SLC2A13: variants seen among roughly 807,000 people sequenced by gnomAD.
SLC2A13 encodes the protein solute carrier family 2 member 13.
A neutral mutation model predicts 64.4 loss-of-function variants in SLC2A13; 32 were observed. That is an observed-to-expected ratio of 0.50 (90% CI 0.37 to 0.67). The LOEUF (loss-of-function observed/expected upper bound fraction) is 0.67, where lower values mean the gene tolerates loss of function less well. SLC2A13 is among the 30% of genes least tolerant of loss of function. SLC2A13 has a pLI of 0.00. For synonymous variants in SLC2A13, 338 were observed against 327.1 expected (o/e 1.03, Z -0.36); for missense variants, 743 against 829.2 (o/e 0.90, Z 1.28).
chr12:39,981,742 G>C (rs1338188190), intron 3 of SLC2A13, among the ~76,000 whole-genome samples: 1 of 148,332 alleles, frequency 6.7e-6, no homozygotes, highest in Non-Finnish European at 1.5e-5. Flanking sequence ...AATTCTACCA[G>C]AGGTACAAGG....
intron 4 of SLC2A13, among the ~76,000 whole-genome samples, chr12:39,902,234 A>G (rs562055006): frequency 1.3e-5 from 2 of 151,704 alleles, no homozygotes; most frequent in South Asian, 4.2e-4. Context: ...AGATATACCT[A>G]ATGCTAAATG....
intron 4 of SLC2A13, among the ~76,000 whole-genome samples, chr12:39,880,793 A>G (rs1316699996): frequency 6.6e-6 from 1 of 152,192 alleles, no homozygotes; most frequent in African/African-American, 2.4e-5. Context: ...GGAAAGACCA[A>G]TTACTTGTCT....
rs11612590 is a variant in SLC2A13 at position 39,978,471 on chromosome 12, G to A, written c.926-27106C>T. On this transcript the variant is annotated intron_variant, in intron 3 of 9. Transcript: ENST00000280871. Reference sequence around the variant, plus strand: ...GCGCAGGCCAGTGGGTGCGCGCACCGTGCGCGAGCCGAAGCAGGGCGAGGC... The same window carrying A: ...GCGCAGGCCAGTGGGTGCGCGCACCATGCGCGAGCCGAAGCAGGGCGAGGC... 1.9e-3 allele frequency among the ~76,000 whole-genome samples: 282 copies of A among 150,968 alleles called. 1 individual carries two copies. Among genetic ancestry groups the A allele is most frequent in the Non-Finnish European group, 3.3e-3 (222 of 67,130 alleles).
chr12:39,998,870 C>A (rs1384986594), intron 3 of SLC2A13, among the ~76,000 whole-genome samples: 1 of 152,134 alleles, frequency 6.6e-6, no homozygotes, highest in Non-Finnish European at 1.5e-5. Context: ...CAAATCTCAT[C>A]TTGAATTCCC....
Position 40,105,596 on chromosome 12 carries a change from C to T in SLC2A13, c.213G>A (p.Gln71=), listed in dbSNP as rs764057239. The T allele has an allele frequency of 2.6e-6, 4 of 1,532,214 alleles. No homozygotes were observed. Among genetic ancestry groups the T allele is most frequent in the Non-Finnish European group, 3.5e-6 (4 of 1,142,358 alleles). 94.9% of individuals were successfully genotyped at this position (1,532,214 alleles called of 1,614,324 possible). A position where few individuals can be genotyped will look rare whatever the true frequency, so the allele number is the denominator to read the frequency against. ...VGDLERAARR[Q]FQQDETPAFV... Reference sequence around the variant, plus strand: ...AGGCGGGGGTCTCGTCCTGCTGGAACTGCCGCCGCGCCGCGCGCTCCAGGT... The same window carrying T: ...AGGCGGGGGTCTCGTCCTGCTGGAATTGCCGCCGCGCCGCGCGCTCCAGGT... Residue 71 remains glutamine (Q), a synonymous_variant, in exon 1 of 10, where the codon CAG becomes CAA. Transcript: ENST00000280871. This position sits in a 1 kb window ranked among gnomAD's most constrained non-coding sequence, Gnocchi z 4.2.
intron 4 of SLC2A13, among the ~76,000 whole-genome samples, chr12:39,943,227 G>A (rs1946071682): frequency 6.6e-6 from 1 of 152,216 alleles, no homozygotes; most frequent in Non-Finnish European, 1.5e-5. Context: ...AGGAGGCATG[G>A]GGATCAGGGA....
rs778088143 is a variant in SLC2A13, at chr12:40,105,281, G to A, written c.528C>T (p.Ala176=). 3 of 1,598,632 alleles carry A rather than the reference G, an allele frequency of 1.9e-6. No individual in the cohort carries two copies. In the South Asian group the frequency reaches 3.4e-5, roughly 18 times the overall value. ...TGCCGAGTCCCACGACCAGGCGGCCGGCGAGCAGTGTCTCCTTGTTGTTGG... is the reference window on the plus strand; with the variant it reads ...TGCCGAGTCCCACGACCAGGCGGCCAGCGAGCAGTGTCTCCTTGTTGTTGG... ...AAANNKETLL[A]GRLVVGLGIG... The change falls in exon 1 of 10, where the codon GCC becomes GCT. Residue 176 remains alanine, a synonymous_variant. Transcript: ENST00000280871. The surrounding 1 kb of genome is among the most constrained non-coding windows in gnomAD (Gnocchi z 4.2).
intron 4 of SLC2A13, among the ~76,000 whole-genome samples, chr12:39,874,397 T>C (rs1384777989): frequency 6.6e-6 from 1 of 152,122 alleles, no homozygotes; most frequent in African/African-American, 2.4e-5. Context: ...GTGGATCACC[T>C]GAGGACAGGA....
At chr12:39,768,166 CA>C (rs776308234) in intron 7 of SLC2A13, among the ~76,000 whole-genome samples, 2 of 152,224 alleles carry the variant, frequency 1.3e-5, no homozygotes, top group Middle Eastern at 3.4e-3. Flanking sequence ...CTGCTAGCCT[CA>C]AACTTTTCTT....
chr12:39,760,280 A>C, intron 9 of SLC2A13, 28 bp from the exon 10 acceptor site: 2 of 1,563,956 alleles, frequency 1.3e-6, no homozygotes, highest in Non-Finnish European at 1.7e-6. Context: ...AGATACATGA[A>C]TATGAATATA....
chr12:39,911,901 C>G (rs1388895573), intron 4 of SLC2A13, among the ~76,000 whole-genome samples: 1 of 151,984 alleles, frequency 6.6e-6, no homozygotes, highest in African/African-American at 2.4e-5. Flanking sequence ...TTCAGATGGA[C>G]AGTATGGTTT....
intron 1 of SLC2A13, among the ~76,000 whole-genome samples, chr12:40,058,507 G>T (rs1169973257): frequency 6.6e-6 from 1 of 151,938 alleles, no homozygotes; most frequent in Admixed American, 6.6e-5. Flanking sequence ...TCATCATAAA[G>T]CTAGATCTCA....
intron 4 of SLC2A13, among the ~76,000 whole-genome samples, chr12:39,936,401 T>A (rs1419147353): frequency 6.6e-6 from 1 of 151,992 alleles, no homozygotes; most frequent in Non-Finnish European, 1.5e-5. Context: ...AGAAGAAGGG[T>A]GCATATACCC....
At chr12:39,868,657 A>G (rs1338900821) in intron 5 of SLC2A13, among the ~76,000 whole-genome samples, 1 of 152,198 alleles carries the variant, frequency 6.6e-6, no homozygotes. Flanking sequence ...GGGGGGAAAA[A>G]CACAATCTTT....
intron 3 of SLC2A13, among the ~76,000 whole-genome samples, chr12:40,006,925 G>A (rs1361364352): frequency 1.3e-5 from 2 of 152,120 alleles, no homozygotes; most frequent in Admixed American, 6.5e-5. Context: ...ATTCCCATTT[G>A]AGTATTTGTA....
At chr12:39,798,272 C>T (rs1386826325) in intron 7 of SLC2A13, among the ~76,000 whole-genome samples, 1 of 152,196 alleles carries the variant, frequency 6.6e-6, no homozygotes, top group Non-Finnish European at 1.5e-5. Context: ...ATGAGAGATA[C>T]CACCACAGAG....
intron 3 of SLC2A13, among the ~76,000 whole-genome samples, chr12:39,997,919 G>A (rs1161004680): frequency 2.6e-5 from 4 of 152,156 alleles, no homozygotes; most frequent in East Asian, 1.9e-4. Flanking sequence ...ACCACTGCTG[G>A]TCGGAATGTA....
intron 7 of SLC2A13, among the ~76,000 whole-genome samples, chr12:39,809,790 G>T (rs1423272246): frequency 6.6e-6 from 1 of 152,124 alleles, no homozygotes; most frequent in Non-Finnish European, 1.5e-5. Flanking sequence ...AGTTTGCTGA[G>T]AATGATGGTT....
chr12:40,029,453 C>T (rs975982914), intron 2 of SLC2A13, among the ~76,000 whole-genome samples: 2 of 152,126 alleles, frequency 1.3e-5, no homozygotes, highest in African/African-American at 4.8e-5. Flanking sequence ...AACAATAGAG[C>T]TCAGGAGGCC....
Sources: allele counts gnomAD v4.1 joint callset (sites outside exome capture counted in the v4.1 genomes callset), GRCh38; gene constraint gnomAD v4.1.1; non-coding constraint Gnocchi (gnomAD v3.1); transcripts MANE v1.5; gene names NCBI Gene and HGNC (gene_info 2026-07-23, HGNC 2026-07-21).